The following CNTN4 variants were observed in gnomAD, a reference collection of about 807,000 sequenced individuals.
CNTN4 encodes contactin-4.
In CNTN4, 77 loss-of-function variants were observed where a neutral mutation model predicts 122.5. The observed-to-expected ratio is 0.63, with a 90% CI of 0.52 to 0.76. The LOEUF is 0.76. Ranked by LOEUF, CNTN4 falls within the 30% of genes least tolerant of loss-of-function variation. The pLI is 0.00. For synonymous variants in CNTN4, 512 were observed against 447.0 expected (o/e 1.15, Z -1.83); for missense variants, 1,256 against 1,259.1 (o/e 1.00, Z 0.04).
chr3:2,146,224 C>CTG (rs10668388), intron 2 of CNTN4, among the ~76,000 whole-genome samples: 71,669 of 150,472 alleles, frequency 0.48, 17,210 homozygotes, highest in African/African-American at 0.51. Context: ...ATTTAATTGA[C>CTG]TTCTATTAAT....
At chr3:2,146,638 G>A (rs555909328) in intron 2 of CNTN4, among the ~76,000 whole-genome samples, 1 of 152,204 alleles carries the variant, frequency 6.6e-6, no homozygotes, top group South Asian at 2.1e-4. Flanking sequence ...CCTAATGGTT[G>A]TAGCCTGCAG....
intron 2 of CNTN4, among the ~76,000 whole-genome samples, chr3:2,103,683 C>T (rs985784224): frequency 3.9e-5 from 6 of 152,042 alleles, no homozygotes; most frequent in Non-Finnish European, 8.8e-5. Context: ...AGGAAACCCT[C>T]TTCTTTTCCT....
At chr3:2,806,858 C>T (rs1297165511) in intron 6 of CNTN4, among the ~76,000 whole-genome samples, 1 of 152,122 alleles carries the variant, frequency 6.6e-6, no homozygotes, top group Non-Finnish European at 1.5e-5. Context: ...TCCTCCCACA[C>T]TTAGAAGTAG....
intron 4 of CNTN4, among the ~76,000 whole-genome samples, chr3:2,662,389 G>A (rs7630906): frequency 0.35 from 53,019 of 152,022 alleles, 9,458 homozygotes; most frequent in South Asian, 0.5. Flanking sequence ...TTAATCTTCA[G>A]TGTGTGACTT....
At chr3:2,842,839 CT>C (rs202028524) in intron 7 of CNTN4, among the ~76,000 whole-genome samples, 5 of 151,204 alleles carry the variant, frequency 3.3e-5, no homozygotes, top group Middle Eastern at 3.4e-3. Flanking sequence ...TTTCCATTTT[CT>C]TTTTTTTTCC....
chr3:2,777,663 C>A (rs1005424716), intron 6 of CNTN4, among the ~76,000 whole-genome samples: 1 of 152,164 alleles, frequency 6.6e-6, no homozygotes, highest in Non-Finnish European at 1.5e-5. Context: ...GTCATGAATT[C>A]TTGGTTTATT....
chr3:2,895,773 G>A (rs186751454), intron 10 of CNTN4, among the ~76,000 whole-genome samples: 2 of 152,322 alleles, frequency 1.3e-5, no homozygotes, highest in South Asian at 2.1e-4. Flanking sequence ...AGTGGCTCAC[G>A]CCTGTCATCC....
intron 4 of CNTN4, among the ~76,000 whole-genome samples, chr3:2,704,058 T>A (rs941926480): frequency 6.6e-6 from 1 of 151,876 alleles, no homozygotes; most frequent in African/African-American, 2.4e-5. Flanking sequence ...TTTGGGAGGC[T>A]GAGGCAGGCG....
chr3:2,721,108 AT>A lies in CNTN4; in HGVS notation c.56-15105del, dbSNP rs2087826041. The stretch of plus-strand genomic sequence containing the variant: ...TGTCTCAGCCTCCCGAGCAGCTGGG[AT>A]TACAGGCATGTGCCACCACACCTGG... On this transcript the variant is annotated intron_variant, in intron 4 of 24. Coordinates refer to ENST00000418658, the MANE Select transcript of CNTN4 (RefSeq NM_175607.3). 2.0e-5 allele frequency among the ~76,000 whole-genome samples: 3 copies of A among 152,126 alleles called. No homozygotes were observed. The South Asian group carries it at 6.2e-4, about 32-fold the overall frequency.
chr3:2,510,698 G>A (rs912271881), intron 3 of CNTN4, among the ~76,000 whole-genome samples: 5 of 152,112 alleles, frequency 3.3e-5, no homozygotes, highest in Admixed American at 6.5e-5. Flanking sequence ...TGTGTGGCAA[G>A]GTTTTGATAA....
intron 2 of CNTN4, among the ~76,000 whole-genome samples, chr3:2,204,740 G>A (rs2149405119): frequency 6.6e-6 from 1 of 152,120 alleles, no homozygotes; most frequent in East Asian, 1.9e-4. Flanking sequence ...CTCAAAGGAT[G>A]CAAGGCCCCC....
At chr3:2,604,047 A>G (rs2081156741) in intron 4 of CNTN4, among the ~76,000 whole-genome samples, 1 of 152,186 alleles carries the variant, frequency 6.6e-6, no homozygotes, top group Admixed American at 6.5e-5. Context: ...GTGGCAAATC[A>G]TACAGGCTCT....
intron 2 of CNTN4, among the ~76,000 whole-genome samples, chr3:2,199,091 G>T (rs533391780): frequency 4.2e-4 from 64 of 152,296 alleles, no homozygotes; most frequent in African/African-American, 1.5e-3. Flanking sequence ...TTAGCTCATT[G>T]TCTCTAGCTG....
chr3:2,464,193 A>G (rs2075416905), intron 3 of CNTN4, among the ~76,000 whole-genome samples: 1 of 152,214 alleles, frequency 6.6e-6, no homozygotes, highest in Admixed American at 6.5e-5. Flanking sequence ...CTAGCAGTCC[A>G]ATATGCCTGG....
intron 4 of CNTN4, among the ~76,000 whole-genome samples, chr3:2,733,150 G>A (rs1279377777): frequency 1.3e-5 from 2 of 152,048 alleles, no homozygotes; most frequent in Admixed American, 6.6e-5. Flanking sequence ...TTATTCTTAT[G>A]TGGAATAACT....
At chr3:2,829,422 C>G (rs528906259) in intron 7 of CNTN4, among the ~76,000 whole-genome samples, 1 of 152,250 alleles carries the variant, frequency 6.6e-6, no homozygotes, top group Non-Finnish European at 1.5e-5. Flanking sequence ...AAGGCAGGCT[C>G]CACTTCTCTC....
intron 7 of CNTN4, among the ~76,000 whole-genome samples, chr3:2,832,589 T>C (rs2093127892): frequency 6.6e-6 from 1 of 152,186 alleles, no homozygotes; most frequent in African/African-American, 2.4e-5. Context: ...AACAGCTGTA[T>C]GTAAGTCTGG....
At chr3:2,287,826 G>T (rs1253571546) in intron 2 of CNTN4, among the ~76,000 whole-genome samples, 2 of 152,112 alleles carry the variant, frequency 1.3e-5, no homozygotes, top group Non-Finnish European at 2.9e-5. Context: ...GGAAGAAGAA[G>T]AAGGCTGATC....
At chr3:2,935,528 A>G (rs769947766) in intron 13 of CNTN4, among the ~76,000 whole-genome samples, 2 of 152,190 alleles carry the variant, frequency 1.3e-5, no homozygotes, top group Non-Finnish European at 2.9e-5. Flanking sequence ...ACTTACCACA[A>G]TAAACCTCTG....
Sources: allele counts gnomAD v4.1 joint callset (sites outside exome capture counted in the v4.1 genomes callset), GRCh38; gene constraint gnomAD v4.1.1; transcripts MANE v1.5; gene names NCBI Gene and HGNC (gene_info 2026-07-23, HGNC 2026-07-21).